Variants in BCAS3 observed in about 807,000 individuals in gnomAD.
The protein encoded by BCAS3 is BCAS3 microtubule associated cell migration factor, also known as BCAS4/BCAS3 fusion.
A neutral mutation model predicts 116.1 loss-of-function variants in BCAS3; 53 were observed. That is an observed-to-expected ratio of 0.46 (90% CI 0.37 to 0.57). The LOEUF is 0.57. Ranked by LOEUF, BCAS3 falls within the 20% of genes least tolerant of loss-of-function variation. The probability of loss-of-function intolerance (pLI) is 0.00; values close to 1 mark genes in which losing one functional copy is unlikely to be tolerated. For synonymous variants in BCAS3, 391 were observed against 408.2 expected (o/e 0.96, Z 0.51); for missense variants, 917 against 1,165.4 (o/e 0.79, Z 3.10).
rs991959363 is a variant in BCAS3, at chr17:61,128,561, C to T, written c.2425+43997C>T. Reference sequence around the variant, plus strand: ...TCGTTTGAATCGTTTGACTGCTATACACAATCCCCAGCACTTATAAAATAA... The same window carrying T: ...TCGTTTGAATCGTTTGACTGCTATATACAATCCCCAGCACTTATAAAATAA... On this transcript the variant is annotated intron_variant, in intron 22 of 23. Coordinates refer to ENST00000407086, the MANE Select transcript of BCAS3 (RefSeq NM_017679.5). The surrounding 1 kb of genome is among the most constrained non-coding windows in gnomAD (Gnocchi z 4.1). 10 of 985,272 alleles carry T rather than the reference C, an allele frequency of 1.0e-5. No individual in the cohort carries two copies. In the African/African-American group the frequency reaches 1.7e-4, roughly 17 times the overall value. The allele number at this position is 985,272 out of a possible 1,614,324, so 61.0% of individuals were successfully genotyped here.
At chr17:61,190,538 A>AC (rs2080044177) in intron 22 of BCAS3, among the ~76,000 whole-genome samples, 1 of 150,870 alleles carries the variant, frequency 6.6e-6, no homozygotes, top group Non-Finnish European at 1.5e-5. Context: ...AAAAAAAAAA[A>AC]AAAAAAAAAA....
chr17:61,226,615 G>GATCT lies in BCAS3; in HGVS notation c.2426-141711_2426-141708dup, dbSNP rs1422197656. ...TTAAGGGTTAGAATTTTTTCAGGGT[G>GATCT]ATCTTTTTTGTTCAGATGCAAAATA... On this transcript the variant is annotated intron_variant, in intron 22 of 23. Coordinates refer to ENST00000407086, the MANE Select transcript of BCAS3 (RefSeq NM_017679.5). The surrounding 1 kb of genome is among the most constrained non-coding windows in gnomAD (Gnocchi z 6.0). Among the ~76,000 whole-genome samples the GATCT allele has an allele frequency of 6.6e-6, 1 of 152,128 alleles. No homozygotes were observed. The highest frequency in any genetic ancestry group is 1.5e-5 in the Non-Finnish European group (1 of 68,002).
At chr17:61,059,205 C>A (rs1042804669) in intron 19 of BCAS3, among the ~76,000 whole-genome samples, 1 of 150,314 alleles carries the variant, frequency 6.7e-6, no homozygotes, top group Non-Finnish European at 1.5e-5. Context: ...GCCTCAGCTT[C>A]CCGAGTAGCT....
At chr17:61,002,887 A>G (rs1413067323) in intron 15 of BCAS3, among the ~76,000 whole-genome samples, 3 of 152,128 alleles carry the variant, frequency 2.0e-5, no homozygotes, top group Admixed American at 6.5e-5. Flanking sequence ...TTCTATTAAC[A>G]TTGATTGGAC....
At chr17:60,690,254 G>C (rs1266082522) in intron 4 of BCAS3, among the ~76,000 whole-genome samples, 1 of 152,058 alleles carries the variant, frequency 6.6e-6, no homozygotes, top group Non-Finnish European at 1.5e-5. Flanking sequence ...TTGTAGCATA[G>C]GTCAGAATTT....
In BCAS3 at chr17:61,087,029, A is replaced by G. The variant is rs2073148178; in HGVS notation, c.2425+2465A>G. 1 of 985,124 alleles carries G rather than the reference A, an allele frequency of 1.0e-6. No homozygotes were observed. Among genetic ancestry groups the G allele is most frequent in the South Asian group, 4.7e-5 (1 of 21,274 alleles). The allele number at this position is 985,124 out of a possible 1,614,324, so 61.0% of individuals were successfully genotyped here. A position where few individuals can be genotyped will look rare whatever the true frequency, so the allele number is the denominator to read the frequency against. ...AAAAATCAAGGTAGCAAGTCTAACG[A>G]AATCGAGGCTAAATAATTTGAGTTC... On this transcript the variant is annotated intron_variant, in intron 22 of 23. Coordinates refer to ENST00000407086, the MANE Select transcript of BCAS3 (RefSeq NM_017679.5). The surrounding 1 kb of genome is among the most constrained non-coding windows in gnomAD (Gnocchi z 4.6).
Position 61,285,377 on chromosome 17 carries a change from T to C in BCAS3, c.2426-82950T>C, listed in dbSNP as rs941023736. 5.3e-5 allele frequency among the ~76,000 whole-genome samples: 8 copies of C among 152,208 alleles called. No individual in the cohort carries two copies. Among genetic ancestry groups the C allele is most frequent in the Non-Finnish European group, 1.2e-4 (8 of 68,034 alleles). On this transcript the variant is annotated intron_variant, in intron 22 of 23. Transcript: ENST00000407086. The surrounding 1 kb of genome is among the most constrained non-coding windows in gnomAD (Gnocchi z 5.4). ...GCTTCTCCAACATAACTTCCAGGTC[T>C]GAATACTTTGTTTTCTGCAGATTTT...
chr17:61,068,460 C>T lies in BCAS3; in HGVS notation c.2030-6460C>T, dbSNP rs1282566272. Among the ~76,000 whole-genome samples, 1 of 152,206 alleles carries T rather than the reference C, an allele frequency of 6.6e-6. No individual in the cohort carries two copies. Among genetic ancestry groups the T allele is most frequent in the East Asian group, 1.9e-4 (1 of 5,204 alleles). ...CATATAGGTCTCTGCAGCATCCATT[C>T]TTGTTTCTCATCCAGCTCCTGTCAG... On this transcript the variant is annotated intron_variant, in intron 19 of 23. Coordinates refer to ENST00000407086, the MANE Select transcript of BCAS3 (RefSeq NM_017679.5). This position sits in a 1 kb window ranked among gnomAD's most constrained non-coding sequence, Gnocchi z 4.3.
Position 60,709,299 on chromosome 17 carries a change from G to A in BCAS3, c.295G>A (p.Asp99Asn), listed in dbSNP as rs1249579929. Residue 99 changes from aspartate to asparagine, a missense_variant, in exon 5 of 24, where the codon GAT (aspartate) becomes AAT (asparagine). By Grantham distance (23) the Asp-to-Asn change is conservative (BLOSUM62 1). This residue lies in a region of BCAS3 where 807 missense variants were observed against 1,026.0 expected (regional missense o/e 0.79). Transcript: ENST00000407086. ...PPLLIMIGYSDGMQVWSIPIS... is the reference protein window; with the variant it reads ...PPLLIMIGYSNGMQVWSIPIS... ...TTTGTTGATTATGATTGGCTACAGT[G>A]ATGGAATGCAGGTCTGGAGCATCCC... The A allele has an allele frequency of 1.3e-6, 2 of 1,598,628 alleles. No homozygotes were observed. Among genetic ancestry groups the A allele is most frequent in the Admixed American group, 3.3e-5 (2 of 59,882 alleles).
At chr17:61,027,248 C>T (rs2066316923) in intron 16 of BCAS3, 2 of 434,678 alleles carry the variant, frequency 4.6e-6, no homozygotes, top group Non-Finnish European at 8.4e-6. Flanking sequence ...TAGAAGTTAC[C>T]TACATATCAT....
intron 14 of BCAS3, among the ~76,000 whole-genome samples, chr17:60,986,267 A>G (rs2063138360): frequency 6.6e-6 from 1 of 152,138 alleles, no homozygotes; most frequent in Non-Finnish European, 1.5e-5. Context: ...TTGCTTCCAC[A>G]TCTTGGCTAT....
In BCAS3 at chr17:61,208,823, T is replaced by A. The variant is rs1216367881; in HGVS notation, c.2425+124259T>A. ...TCTCTGCAAACTTGCAGTGCAAGTC[T>A]ATGATATAAGTGGTGTAGAGTGGTT... On this transcript the variant is annotated intron_variant, in intron 22 of 23. Coordinates refer to ENST00000407086, the MANE Select transcript of BCAS3 (RefSeq NM_017679.5). The surrounding 1 kb of genome is among the most constrained non-coding windows in gnomAD (Gnocchi z 4.5). Among the ~76,000 whole-genome samples the A allele has an allele frequency of 1.3e-5, 2 of 151,388 alleles. No individual in the cohort carries two copies. The highest frequency in any genetic ancestry group is 2.9e-5 in the Non-Finnish European group (2 of 67,976).
chr17:60,938,178 G>C (rs1201140444), intron 13 of BCAS3, among the ~76,000 whole-genome samples: 1 of 152,154 alleles, frequency 6.6e-6, no homozygotes, highest in Non-Finnish European at 1.5e-5. Context: ...ACAGGCGTGA[G>C]CCACTGCACC....
intron 22 of BCAS3, among the ~76,000 whole-genome samples, chr17:61,092,038 C>A (rs1297787959): frequency 6.6e-6 from 1 of 152,192 alleles, no homozygotes; most frequent in Non-Finnish European, 1.5e-5. Flanking sequence ...CTACCAGTGA[C>A]CTAGAGGTAA....
rs1483835049 is a variant in BCAS3 at position 61,037,424 on chromosome 17, C to T, written c.1763-465C>T. 1.3e-5 allele frequency among the ~76,000 whole-genome samples: 2 copies of T among 152,200 alleles called. No homozygotes were observed. The highest frequency in any genetic ancestry group is 2.9e-5 in the Non-Finnish European group (2 of 68,044). On this transcript the variant is annotated intron_variant, in intron 17 of 23. Coordinates refer to ENST00000407086, the MANE Select transcript of BCAS3 (RefSeq NM_017679.5). The surrounding 1 kb of genome is among the most constrained non-coding windows in gnomAD (Gnocchi z 4.7). The stretch of plus-strand genomic sequence containing the variant: ...GATATCATAGACATTTTCATATTCA[C>T]TAGCATGTGCTTATACGAGGCAACC...
chr17:60,780,213 C>G (rs530549661), intron 6 of BCAS3, among the ~76,000 whole-genome samples: 32 of 151,614 alleles, frequency 2.1e-4, no homozygotes, highest in African/African-American at 7.3e-4. Context: ...TGGTCTCAAA[C>G]TCCTGACCTT....
At chr17:60,914,910 G>A (rs1400965011) in intron 12 of BCAS3, among the ~76,000 whole-genome samples, 2 of 152,146 alleles carry the variant, frequency 1.3e-5, no homozygotes, top group African/African-American at 2.4e-5. Context: ...TTGGAGGAGG[G>A]AAAGTCATAT....
rs1200750960 is a variant in BCAS3, at chr17:61,367,545, A to G, written c.2426-782A>G. 6.6e-6 allele frequency: 1 copy of G among 152,180 alleles called. No individual in the cohort carries two copies. The highest frequency in any genetic ancestry group is 1.9e-4 in the East Asian group (1 of 5,176). The allele number at this position is 152,180 out of a possible 1,614,324, so 9.4% of individuals were successfully genotyped here. On this transcript the variant is annotated intron_variant, in intron 22 of 23. Coordinates refer to ENST00000407086, the MANE Select transcript of BCAS3 (RefSeq NM_017679.5). This position sits in a 1 kb window ranked among gnomAD's most constrained non-coding sequence, Gnocchi z 6.2. ...ACCCACCTCCTTGCTGGTATCCCCC[A>G]AAGTAATTCCCTGGTTGTTCATATG...
intron 14 of BCAS3, among the ~76,000 whole-genome samples, chr17:60,963,102 A>G (rs1050601941): frequency 8.5e-5 from 13 of 152,114 alleles, no homozygotes; most frequent in Non-Finnish European, 1.8e-4. Context: ...CTGTGTATCT[A>G]TTTTTATGCC....
Sources: gnomAD v4.1 joint callset for allele counts (sites outside exome capture counted in the v4.1 genomes callset) on GRCh38, gnomAD v4.1.1 for gene constraint, gnomAD v4.1.1 regional missense constraint, Gnocchi (gnomAD v3.1) non-coding constraint, MANE v1.5 for transcripts, NCBI Gene and HGNC (gene_info 2026-07-23, HGNC 2026-07-21) for gene names.